The following EFR3A variants were observed in gnomAD, a reference collection of about 807,000 sequenced individuals.
The protein encoded by EFR3A is EFR3 homolog A, also known as protein EFR3 homolog A.
A neutral mutation model predicts 104.4 loss-of-function variants in EFR3A; 76 were observed. The observed-to-expected ratio is 0.73, with a 90% CI of 0.60 to 0.88. EFR3A has a LOEUF of 0.88. Among genes scored for constraint, EFR3A ranks in the 40% least tolerant of loss-of-function variants. The pLI is 0.00. For synonymous variants in EFR3A, 330 were observed against 330.0 expected, an observed-to-expected ratio of 1.00 and a Z score of 0.00; for missense variants, 985 against 1,012.5, an observed-to-expected ratio of 0.97 and a Z score of 0.37.
chr8:131,924,464 T>C (rs181599062), intron 1 of EFR3A, among the ~76,000 whole-genome samples: 1 of 152,244 alleles, frequency 6.6e-6, no homozygotes, highest in African/African-American at 2.4e-5. Flanking sequence ...TACAAGGTTG[T>C]CTAAAGTTTT....
intron 2 of EFR3A, among the ~76,000 whole-genome samples, chr8:131,943,634 T>A (rs1818275522): frequency 6.6e-6 from 1 of 151,890 alleles, no homozygotes. Flanking sequence ...ATTACTTACT[T>A]TTGGGGGCTA....
intron 18 of EFR3A, among the ~76,000 whole-genome samples, chr8:131,987,967 T>G (rs1167576246): frequency 6.6e-6 from 1 of 152,158 alleles, no homozygotes; most frequent in African/African-American, 2.4e-5. Flanking sequence ...ATATTTTATT[T>G]AATAGTATAT....
intron 20 of EFR3A, 82 bp downstream of exon 20, chr8:132,001,889 A>C: frequency 8.6e-7 from 1 of 1,166,370 alleles, no homozygotes. Flanking sequence ...GAATACGTAG[A>C]GGGGACATTA....
chr8:131,927,898 T>C (rs114186254), intron 1 of EFR3A, among the ~76,000 whole-genome samples: 3,085 of 152,212 alleles, frequency 0.02, 49 homozygotes, highest in Middle Eastern at 0.044. Context: ...AGAACAGATA[T>C]AGATGTGATG....
intron 21 of EFR3A, among the ~76,000 whole-genome samples, chr8:132,002,908 G>A (rs1198537709): frequency 1.3e-5 from 2 of 152,146 alleles, no homozygotes; most frequent in African/African-American, 4.8e-5. Context: ...GGAAATAGTG[G>A]AACTGTTTTC....
At chr8:131,913,986 A>G (rs1029755429) in intron 1 of EFR3A, among the ~76,000 whole-genome samples, 2 of 152,148 alleles carry the variant, frequency 1.3e-5, no homozygotes, top group Non-Finnish European at 2.9e-5. Flanking sequence ...AGAAGATTTT[A>G]TCTCCTACGC....
intron 19 of EFR3A, chr8:132,000,771 C>T (rs1230600556): frequency 6.6e-6 from 1 of 152,128 alleles, no homozygotes; most frequent in Non-Finnish European, 1.5e-5. Context: ...ATATCTAGAA[C>T]AAAACAACAG....
chr8:131,965,711 G>T (rs959721693), intron 8 of EFR3A, among the ~76,000 whole-genome samples: 3 of 151,876 alleles, frequency 2.0e-5, no homozygotes, highest in Admixed American at 6.6e-5. Flanking sequence ...CCATTACTGG[G>T]TATATACCCA....
chr8:131,940,531 C>T lies in EFR3A; in HGVS notation c.43C>T (p.Arg15Cys), dbSNP rs371388414. Reference sequence around the variant, plus strand: ...CTGCTGCTGTTCCGCTTTGCGTCCTCGCTACAAACGCCTGGTGGACAACAT... The same window carrying T: ...CTGCTGCTGTTCCGCTTTGCGTCCTTGCTACAAACGCCTGGTGGACAACAT... ...VCCCCSALRPRYKRLVDNIFP... is the reference protein window; with the variant it reads ...VCCCCSALRPCYKRLVDNIFP... The change falls in exon 2 of 23, where the codon CGC (arginine) becomes TGC (cysteine). Residue 15 changes from arginine to cysteine, a missense_variant. Coordinates refer to ENST00000254624, the MANE Select transcript of EFR3A (RefSeq NM_015137.6). The T allele has an allele frequency of 8.7e-6, 14 of 1,606,498 alleles. No homozygotes were observed. Among genetic ancestry groups the T allele is most frequent in the African/African-American group, 1.4e-5 (1 of 74,060 alleles).
At position 131,979,331 on chromosome 8, in the gene EFR3A, A is replaced by G. The variant is rs1326245535; in HGVS notation, c.1500-15A>G. 2.0e-6 allele frequency: 3 copies of G among 1,522,952 alleles called. No individual in the cohort carries two copies. The highest frequency in any genetic ancestry group is 2.7e-6 in the Non-Finnish European group (3 of 1,123,118). 94.3% of individuals were successfully genotyped at this position (1,522,952 alleles called of 1,614,324 possible). On this transcript the variant is annotated splice_polypyrimidine_tract_variant and intron_variant, in intron 13 of 22. Transcript: ENST00000254624. ...GTGTGCTATTCATTAAAAATGATATATTGATCGTCTCTAGAATAATACCGG... is the reference window on the plus strand; with the variant it reads ...GTGTGCTATTCATTAAAAATGATATGTTGATCGTCTCTAGAATAATACCGG...
chr8:131,971,417 G>A (rs1179240146), intron 10 of EFR3A, among the ~76,000 whole-genome samples: 3 of 152,190 alleles, frequency 2.0e-5, no homozygotes, highest in Admixed American at 6.5e-5. Context: ...GGCCGTGCGC[G>A]GTGGCTCACA....
At chr8:131,928,927 C>G (rs1171746104) in intron 1 of EFR3A, among the ~76,000 whole-genome samples, 2 of 151,938 alleles carry the variant, frequency 1.3e-5, no homozygotes, top group African/African-American at 4.8e-5. Context: ...TCTGTTTATT[C>G]AGAGGTCTTC....
chr8:131,944,546 G>A (rs1305591824), intron 2 of EFR3A, among the ~76,000 whole-genome samples, 199 bp from the exon 3 acceptor site: 1 of 151,898 alleles, frequency 6.6e-6, no homozygotes, highest in Non-Finnish European at 1.5e-5. Flanking sequence ...GCATAAATGG[G>A]GCATTGTAAA....
rs750937968 is a variant in EFR3A, at chr8:131,916,900, C to T, written c.10+12578C>T. On this transcript the variant is annotated intron_variant, in intron 1 of 22. Transcript: ENST00000254624. The stretch of plus-strand genomic sequence containing the variant: ...TTAAGAACAATTGTTGTGTCTCAGC[C>T]GTGGCAGTTCTGTCCTATACGTCTG... Among the ~76,000 whole-genome samples the T allele has an allele frequency of 5.9e-5, 9 of 152,236 alleles. No individual in the cohort carries two copies. In the South Asian group the frequency reaches 8.3e-4, roughly 14 times the overall value.
chr8:131,924,473 T>C (rs1817201995), intron 1 of EFR3A, among the ~76,000 whole-genome samples: 3 of 152,216 alleles, frequency 2.0e-5, no homozygotes, highest in Admixed American at 2.0e-4. Context: ...GTCTAAAGTT[T>C]TGAGGAGAGA....
chr8:131,931,294 G>C (rs867733063), intron 1 of EFR3A, among the ~76,000 whole-genome samples: 24 of 152,072 alleles, frequency 1.6e-4, no homozygotes, highest in African/African-American at 5.8e-4. Flanking sequence ...TACAATTAAA[G>C]AATAAATACA....
intron 14 of EFR3A, among the ~76,000 whole-genome samples, chr8:131,981,044 T>TATAC (rs1563687373): frequency 8.3e-5 from 5 of 60,206 alleles, no homozygotes; most frequent in South Asian, 7.5e-4. Context: ...TATATATATA[T>TATAC]ACACACACTA....
At chr8:132,006,091 G>A (rs1022854953) in intron 22 of EFR3A, among the ~76,000 whole-genome samples, 6 of 152,108 alleles carry the variant, frequency 3.9e-5, no homozygotes, top group African/African-American at 9.7e-5. Context: ...AACTAAAATC[G>A]TGCTCAGGAG....
intron 7 of EFR3A, among the ~76,000 whole-genome samples, chr8:131,956,244 T>G (rs1818982817): frequency 6.6e-6 from 1 of 152,208 alleles, no homozygotes; most frequent in Non-Finnish European, 1.5e-5. Context: ...TCTACTAACT[T>G]TCATGGTCAG....
Sources: allele counts gnomAD v4.1 joint callset (sites outside exome capture counted in the v4.1 genomes callset), GRCh38; gene constraint gnomAD v4.1.1; transcripts MANE v1.5; gene names NCBI Gene and HGNC (gene_info 2026-07-23, HGNC 2026-07-21).